The following DAPK1 variants were observed in gnomAD, a reference collection of about 807,000 sequenced individuals.
The protein encoded by DAPK1 is death-associated protein kinase 1.
DAPK1 carries 56 observed loss-of-function variants against 144.9 expected under a neutral mutation model. The observed-to-expected ratio is 0.39, with a 90% CI of 0.31 to 0.48. The LOEUF is 0.48. DAPK1 is among the 20% of genes least tolerant of loss of function. The pLI, the probability that DAPK1 is intolerant of heterozygous loss-of-function variation, is 0.95. For missense variants in DAPK1, 1,454 were observed against 1,875.4 expected (o/e 0.78, Z 4.15); for synonymous variants, 690 against 749.0 (o/e 0.92, Z 1.29).
intron 2 of DAPK1, among the ~76,000 whole-genome samples, chr9:87,590,445 C>T (rs891517478): frequency 6.6e-6 from 1 of 151,368 alleles, no homozygotes; most frequent in African/African-American, 2.4e-5. Context: ...GTCCTATATT[C>T]CTATTCCACC....
At chr9:87,523,026 T>C (rs1825358030) in intron 2 of DAPK1, among the ~76,000 whole-genome samples, 2 of 152,204 alleles carry the variant, frequency 1.3e-5, no homozygotes, top group African/African-American at 4.8e-5. Flanking sequence ...CTCTAGGTTG[T>C]CATTTGTCTT....
At chr9:87,668,491 C>T (rs770132321) in intron 18 of DAPK1, 106 bp from the exon 19 acceptor site, 1 of 789,764 alleles carries the variant, frequency 1.3e-6, no homozygotes, top group Non-Finnish European at 2.2e-6. Context: ...GCTTGCTTCT[C>T]ACACCTGCTA....
chr9:87,509,761 A>ATGCC (rs1380649889), intron 2 of DAPK1, among the ~76,000 whole-genome samples: 1 of 152,208 alleles, frequency 6.6e-6, no homozygotes, highest in East Asian at 1.9e-4. Flanking sequence ...TCAGTGTGTG[A>ATGCC]ACTGCTGGGA....
chr9:87,599,465 T>C lies in DAPK1; in HGVS notation c.63-5489T>C, dbSNP rs576405328. ...TCAGCCTGTTCTTTATGAAGCTTGC[T>C]CCTTTTCGCCGTGCGTTTCCTCTTT... On this transcript the variant is annotated intron_variant, in intron 2 of 25. Transcript: ENST00000408954. Among the ~76,000 whole-genome samples the C allele has an allele frequency of 2.6e-5, 4 of 152,332 alleles. No homozygotes were observed. The South Asian group carries it at 8.3e-4, about 32-fold the overall frequency.
intron 2 of DAPK1, among the ~76,000 whole-genome samples, chr9:87,516,064 C>G (rs1825041877): frequency 6.6e-6 from 1 of 152,136 alleles, no homozygotes; most frequent in Non-Finnish European, 1.5e-5. Context: ...TCAGCGCATC[C>G]CTGCCTCTGA....
chr9:87,701,999 C>T (rs942610096), intron 24 of DAPK1: 3 of 388,870 alleles, frequency 7.7e-6, no homozygotes, highest in South Asian at 4.0e-5. Context: ...GCTTCCCCAC[C>T]AGGTCTGGAT....
At chr9:87,696,384 G>A (rs776044949) in intron 21 of DAPK1, among the ~76,000 whole-genome samples, 2 of 152,146 alleles carry the variant, frequency 1.3e-5, no homozygotes, top group Admixed American at 6.5e-5. Context: ...AGATATGTAC[G>A]CGTGACACAA....
chr9:87,677,659 GT>G (rs1222046250), intron 19 of DAPK1, among the ~76,000 whole-genome samples: 2 of 152,202 alleles, frequency 1.3e-5, no homozygotes, highest in African/African-American at 2.4e-5. Context: ...AAGAATCTCT[GT>G]GTGGCAGGAG....
At chr9:87,602,056 C>G (rs1476355348) in intron 2 of DAPK1, among the ~76,000 whole-genome samples, 4 of 152,152 alleles carry the variant, frequency 2.6e-5, no homozygotes. Flanking sequence ...GGGCAGAAAA[C>G]AGCAGGTGCC....
chr9:87,547,969 T>C (rs566716980), intron 2 of DAPK1, among the ~76,000 whole-genome samples: 6 of 152,334 alleles, frequency 3.9e-5, no homozygotes, highest in African/African-American at 7.2e-5. Context: ...GTGAGTCACC[T>C]ACCTCACCCA....
chr9:87,674,339 A>AAAAATT (rs1476690405), intron 19 of DAPK1, among the ~76,000 whole-genome samples: 2 of 151,924 alleles, frequency 1.3e-5, no homozygotes, highest in Non-Finnish European at 2.9e-5. Flanking sequence ...TCTCTACAAA[A>AAAAATT]AAAATTAAAA....
chr9:87,655,913 C>T (rs1830613138), intron 17 of DAPK1, among the ~76,000 whole-genome samples: 1 of 152,224 alleles, frequency 6.6e-6, no homozygotes, highest in South Asian at 2.1e-4. Context: ...GAGGCCCTTC[C>T]AGGGCAGCAC....
chr9:87,640,854 TG>T lies in DAPK1; in HGVS notation c.828+8del, dbSNP rs1830069658. ...GCAGCATCCCTGGATCAAGGTGAGT[TG>T]CATATTACGAAACTGTTTAGATCAC... On this transcript the variant is annotated splice_region_variant and intron_variant, in intron 9 of 25. Transcript: ENST00000408954. The T allele has an allele frequency of 2.5e-6, 4 of 1,613,874 alleles. No homozygotes were observed. The East Asian group carries it at 8.9e-5, about 36-fold the overall frequency.
rs765133468 is a variant in DAPK1, at chr9:87,700,162, T to C, written c.2796T>C (p.Asp932=). 1 of 1,608,144 alleles carries C rather than the reference T, an allele frequency of 6.2e-7. No individual in the cohort carries two copies. Among genetic ancestry groups the C allele is most frequent in the South Asian group, 1.1e-5 (1 of 90,950 alleles). ...TTTCAAATAAGCTGTTTGTTCTGGA[T>C]GCTGGGGCTTCTGGGTCAAAGGACA... The part of the protein sequence containing the change: ...LHISNKLFVL[D]AGASGSKDMK... Residue 932 remains aspartate, a synonymous_variant, in exon 24 of 26, where the codon GAT becomes GAC. Transcript: ENST00000408954.
In DAPK1 at chr9:87,681,532, G is replaced by T; in HGVS notation, c.2130G>T (p.Gly710=). The T allele has an allele frequency of 1.2e-6, 2 of 1,611,996 alleles. No individual in the cohort carries two copies. Among genetic ancestry groups the T allele is most frequent in the Middle Eastern group, 1.7e-4 (1 of 6,058 alleles). The change falls in exon 20 of 26, where the codon GGG becomes GGT. Residue 710 remains glycine, a synonymous_variant. Coordinates refer to ENST00000408954, the MANE Select transcript of DAPK1 (RefSeq NM_004938.4). ...KTTLVESLKC[G]LLRSFFRRRR... ...CCCTTGTAGAATCTCTCAAGTGTGG[G>T]CTGCTGAGGAGCTTTTTCAGAAGGC...
chr9:87,641,190 C>T (rs1830081177), intron 9 of DAPK1, among the ~76,000 whole-genome samples: 1 of 152,206 alleles, frequency 6.6e-6, no homozygotes, highest in African/African-American at 2.4e-5. Flanking sequence ...GGATTTCCAG[C>T]TTCTCTTGGG....
chr9:87,699,892 G>T (rs367865194), intron 23 of DAPK1, among the ~76,000 whole-genome samples: 20 of 152,252 alleles, frequency 1.3e-4, no homozygotes, highest in African/African-American at 4.3e-4. Flanking sequence ...AAACCTGAAG[G>T]TCCCGCTCCT....
At chr9:87,544,790 A>G (rs921257671) in intron 2 of DAPK1, among the ~76,000 whole-genome samples, 3 of 152,194 alleles carry the variant, frequency 2.0e-5, no homozygotes, top group Non-Finnish European at 2.9e-5. Flanking sequence ...GACGGACATA[A>G]AGCTAATTTT....
intron 2 of DAPK1, among the ~76,000 whole-genome samples, chr9:87,516,977 A>G (rs561569861): frequency 2.6e-4 from 39 of 152,220 alleles, no homozygotes; most frequent in African/African-American, 8.7e-4. Flanking sequence ...CACTGGAGTC[A>G]TAGAGGGGGG....
Sources: allele counts gnomAD v4.1 joint callset (sites outside exome capture counted in the v4.1 genomes callset), GRCh38; gene constraint gnomAD v4.1.1; transcripts MANE v1.5; gene names NCBI Gene and HGNC (gene_info 2026-07-23, HGNC 2026-07-21).